The following SLC8A1 variants were observed in gnomAD, a reference collection of about 807,000 sequenced individuals.
The protein encoded by SLC8A1 is sodium/calcium exchanger 1.
SLC8A1 carries 18 observed loss-of-function variants against 68.3 expected under a neutral mutation model. The ratio of observed to expected loss-of-function variants is 0.26; its 90% confidence interval spans 0.18 to 0.39. The LOEUF is 0.39. SLC8A1 is among the 10% of genes least tolerant of loss of function. The probability of loss-of-function intolerance (pLI) is 1.00; values close to 1 mark genes in which losing one functional copy is unlikely to be tolerated. For missense variants in SLC8A1, 985 were observed against 1,156.7 expected (o/e 0.85, Z 2.15); for synonymous variants, 475 against 415.5 (o/e 1.14, Z -1.74).
intron 2 of SLC8A1, among the ~76,000 whole-genome samples, chr2:40,229,693 T>A (rs576526176): frequency 1.2e-4 from 15 of 127,266 alleles, no homozygotes; most frequent in African/African-American, 3.8e-4. Context: ...CCTCCAAACA[T>A]AACCTAACAA....
At chr2:40,407,354 C>A (rs922535460) in intron 2 of SLC8A1, among the ~76,000 whole-genome samples, 1 of 152,196 alleles carries the variant, frequency 6.6e-6, no homozygotes. Flanking sequence ...GCATAAGCCA[C>A]CACACCTGAC....
intron 6 of SLC8A1, among the ~76,000 whole-genome samples, chr2:40,153,749 T>C (rs2043894347): frequency 6.6e-6 from 1 of 152,176 alleles, no homozygotes; most frequent in Non-Finnish European, 1.5e-5. Flanking sequence ...CAGATATAAA[T>C]ACAATTCCTA....
At chr2:40,270,782 T>TA (rs2149134233) in intron 2 of SLC8A1, among the ~76,000 whole-genome samples, 1 of 152,252 alleles carries the variant, frequency 6.6e-6, no homozygotes, top group African/African-American at 2.4e-5. Context: ...ATTATTCCAC[T>TA]TACCACAGGT....
chr2:40,396,070 C>CA (rs1686801618), intron 2 of SLC8A1, among the ~76,000 whole-genome samples: 1 of 152,102 alleles, frequency 6.6e-6, no homozygotes, highest in African/African-American at 2.4e-5. Flanking sequence ...AAAGATAATA[C>CA]TTCCTGAAAA....
At chr2:40,411,099 G>C (rs1246254552) in intron 2 of SLC8A1, among the ~76,000 whole-genome samples, 2 of 152,008 alleles carry the variant, frequency 1.3e-5, no homozygotes, top group Non-Finnish European at 2.9e-5. Flanking sequence ...CGAAATAAAT[G>C]ATTAGGTAAG....
chr2:40,277,685 G>A (rs1430511984), intron 2 of SLC8A1, among the ~76,000 whole-genome samples: 2 of 151,014 alleles, frequency 1.3e-5, no homozygotes, highest in Admixed American at 6.6e-5. Context: ...AATAATGGCT[G>A]TAATAAAATC....
chr2:40,217,986 A>G (rs1369180165), intron 2 of SLC8A1, among the ~76,000 whole-genome samples: 3 of 152,190 alleles, frequency 2.0e-5, no homozygotes, highest in Non-Finnish European at 4.4e-5. Context: ...ATTTGCATCC[A>G]GGCCTACAGG....
chr2:40,475,052 C>T (rs964972607), intron 1 of SLC8A1, among the ~76,000 whole-genome samples: 4 of 152,100 alleles, frequency 2.6e-5, no homozygotes, highest in Non-Finnish European at 4.4e-5. Context: ...ATTTAGGAAT[C>T]GATTTGTTGT....
In SLC8A1 at chr2:40,301,556, C is replaced by T. The variant is rs530604712; in HGVS notation, c.1809-123701G>A. Among the ~76,000 whole-genome samples, 42 of 143,698 alleles carry T rather than the reference C, an allele frequency of 2.9e-4. 1 individual carries two copies. In the East Asian group the frequency reaches 9.0e-3, roughly 31 times the overall value. 94.3% of individuals were successfully genotyped at this position (143,698 alleles called of 152,430 possible). A position where few individuals can be genotyped will look rare whatever the true frequency, so the allele number is the denominator to read the frequency against. On this transcript the variant is annotated intron_variant, in intron 2 of 7. Coordinates refer to ENST00000406785, the Ensembl canonical transcript of SLC8A1. ...GAGCTAAGCTATGAGGATGCAAAGG[C>T]ATAAAAATGATACAATGGATTTTGG... is the stretch of plus-strand genomic sequence containing the variant.
chr2:40,147,361 C>G (rs1384033121), intron 6 of SLC8A1, among the ~76,000 whole-genome samples: 2 of 152,172 alleles, frequency 1.3e-5, no homozygotes, highest in Non-Finnish European at 2.9e-5. Context: ...TCTTGAAATT[C>G]AGAGTGTTCT....
chr2:40,451,244 CTG>C (rs1702425596), intron 1 of SLC8A1, among the ~76,000 whole-genome samples: 1 of 152,154 alleles, frequency 6.6e-6, no homozygotes. Flanking sequence ...GGAAAGATGC[CTG>C]TGTGTGCAGA....
intron 2 of SLC8A1, among the ~76,000 whole-genome samples, chr2:40,299,165 T>C (rs1477221024): frequency 2.6e-5 from 4 of 152,140 alleles, no homozygotes; most frequent in Non-Finnish European, 5.9e-5. Flanking sequence ...GGCAGAGCCA[T>C]GTGAGGCTGT....
chr2:40,501,735 T>G (rs570596029), intron 1 of SLC8A1, among the ~76,000 whole-genome samples: 2 of 151,970 alleles, frequency 1.3e-5, no homozygotes, highest in African/African-American at 2.4e-5. Flanking sequence ...CTTTTGGGAG[T>G]TGCCCCTTGC....
exon 8 of SLC8A1, chr2:40,098,017 G>A (rs749391855): frequency 5.3e-5 from 8 of 151,860 alleles, no homozygotes; most frequent in Non-Finnish European, 5.9e-5. Flanking sequence ...AAAGAGACTA[G>A]ATTAACAGGC....
At chr2:40,249,157 G>T (rs62148838) in intron 2 of SLC8A1, among the ~76,000 whole-genome samples, 5,463 of 152,114 alleles carry the variant, frequency 0.036, 195 homozygotes, top group African/African-American at 0.096. Flanking sequence ...CTACTTTGTC[G>T]AAATCTTAAA....
At chr2:40,408,937 A>G (rs1691258478) in intron 2 of SLC8A1, among the ~76,000 whole-genome samples, 1 of 152,184 alleles carries the variant, frequency 6.6e-6, no homozygotes, top group South Asian at 2.1e-4. Context: ...GAAAGATAAG[A>G]GAAAAAAACA....
At chr2:40,298,548 T>G (rs1186626035) in intron 2 of SLC8A1, among the ~76,000 whole-genome samples, 1 of 152,176 alleles carries the variant, frequency 6.6e-6, no homozygotes, top group East Asian at 1.9e-4. Context: ...TAACAAAATA[T>G]TCACAAATAT....
At chr2:40,241,186 A>G (rs181125676) in intron 2 of SLC8A1, among the ~76,000 whole-genome samples, 3 of 152,276 alleles carry the variant, frequency 2.0e-5, no homozygotes, top group Admixed American at 6.5e-5. Flanking sequence ...GAACAAAATC[A>G]TGGTTTTTGC....
intron 1 of SLC8A1, among the ~76,000 whole-genome samples, chr2:40,487,723 G>A (rs926585450): frequency 1.3e-5 from 2 of 152,142 alleles, no homozygotes; most frequent in Non-Finnish European, 2.9e-5. Flanking sequence ...TCCAAGAGAG[G>A]GGAACAGGAG....
Sources: allele counts gnomAD v4.1 joint callset (sites outside exome capture counted in the v4.1 genomes callset), GRCh38; gene constraint gnomAD v4.1.1; transcripts MANE v1.5; gene names NCBI Gene and HGNC (gene_info 2026-07-23, HGNC 2026-07-21).